MKS1: variants seen among roughly 807,000 people sequenced by gnomAD.
The protein encoded by MKS1 is tectonic-like complex member MKS1.
In MKS1, 70 loss-of-function variants were observed where a neutral mutation model predicts 83.7. The observed-to-expected ratio is 0.84, with a 90% confidence interval of 0.69 to 1.02. The LOEUF (loss-of-function observed/expected upper bound fraction) is 1.02. Ranked by LOEUF, MKS1 falls within the 50% of genes least tolerant of loss-of-function variation. MKS1 has a pLI of 0.00. For synonymous variants in MKS1, 251 were observed against 273.4 expected, an observed-to-expected ratio of 0.92 and a Z score of 0.81; for missense variants, 681 against 726.9, an observed-to-expected ratio of 0.94 and a Z score of 0.73.
rs199550514 is a variant in MKS1, at chr17:58,213,752, T to C, written c.749+13A>G. On this transcript the variant is annotated intron_variant, in intron 7 of 17. Transcript: ENST00000393119. ...AATGCCAGTCTCCACTACCCCTTTC[T>C]TCCTCTCCTCACCTGTAGGGTCCTT... The C allele has an allele frequency of 1.2e-4, 189 of 1,600,316 alleles. No individual in the cohort carries two copies. The African/African-American group carries it at 2.0e-3, about 17-fold the overall frequency.
At chr17:58,208,492 A>G in intron 12 of MKS1, 21 bp downstream of exon 12, 2 of 1,612,206 alleles carry the variant, frequency 1.2e-6, no homozygotes, top group Non-Finnish European at 1.7e-6. Flanking sequence ...CCTTCCAGAT[A>G]CCCGCTCTCA....
At chr17:58,208,425 C>A in intron 12 of MKS1, 88 bp downstream of exon 12, 2 of 1,461,396 alleles carry the variant, frequency 1.4e-6, no homozygotes, top group Non-Finnish European at 1.9e-6. Flanking sequence ...CTCCCCAGGG[C>A]GCACAGCACT....
chr17:58,210,625 G>A, intron 11 of MKS1, 34 bp downstream of exon 11: 4 of 1,580,268 alleles, frequency 2.5e-6, no homozygotes, highest in Non-Finnish European at 3.5e-6. Context: ...TGTCTGAATG[G>A]GTATAAAAGG....
rs1398997306 is a variant in MKS1, at chr17:58,205,658, T to C, written c.*421A>G. ...CTCACAGGCTGGGGATTTAAGACCCTCTCACCGTCCACCTTCCTTCCTTCT... is the reference window on the plus strand; with the variant it reads ...CTCACAGGCTGGGGATTTAAGACCCCCTCACCGTCCACCTTCCTTCCTTCT... On this transcript the variant is annotated 3_prime_UTR_variant, in exon 18 of 18. Coordinates refer to ENST00000393119, the MANE Select transcript of MKS1 (RefSeq NM_017777.4). 3.1e-6 allele frequency: 4 copies of C among 1,308,514 alleles called. No individual in the cohort carries two copies. In the Admixed American group the frequency reaches 9.2e-5, roughly 30 times the overall value. 81.1% of individuals were successfully genotyped at this position (1,308,514 alleles called of 1,614,324 possible). A position where few individuals can be genotyped will look rare whatever the true frequency, so the allele number is the denominator to read the frequency against.
Position 58,207,952 on chromosome 17 carries a change from G to T in MKS1, c.1215C>A (p.Asp405Glu), listed in dbSNP as rs1240101157. 2.5e-6 allele frequency: 4 copies of T among 1,614,044 alleles called. No individual in the cohort carries two copies. Among genetic ancestry groups the T allele is most frequent in the Non-Finnish European group, 2.5e-6 (3 of 1,180,038 alleles). ...PVLYCEVLSL[D>E]FWQRYRVEGY... ...CTTCCACACGGTACCTCTGCCAGAA[G>T]TCCAGCGAGAGGACCTCACAGTAGA... The change falls in exon 14 of 18, where the codon GAC becomes GAA. Residue 405 changes from aspartate (D) to glutamate (E), a missense_variant. Physicochemically the swap from Asp to Glu is conservative, Grantham distance 45 (BLOSUM62 2). This residue lies in a region of MKS1 where 310 missense variants were observed against 321.7 expected (regional missense o/e 0.96). Coordinates refer to ENST00000393119, the MANE Select transcript of MKS1 (RefSeq NM_017777.4).
intron 2 of MKS1, among the ~76,000 whole-genome samples, chr17:58,218,396 G>A (rs1323534603): frequency 7.0e-6 from 1 of 141,978 alleles, no homozygotes; most frequent in East Asian, 2.1e-4. Context: ...TGCAGTGAGC[G>A]GAGATAGCGA....
Position 58,219,170 on chromosome 17 carries a change from C to T in MKS1, c.61G>A (p.Val21Met). 6.4e-7 allele frequency: 1 copy of T among 1,551,238 alleles called. No homozygotes were observed. The part of the protein sequence containing the change: ...GEAVYRSRDP[V>M]RNLRLRVHLQ... ...GACTACCGGAGGCGCAAGTTGCGCACGGGGTCCCGGGAGCGATACACTGCC... is the reference window on the plus strand; with the variant it reads ...GACTACCGGAGGCGCAAGTTGCGCATGGGGTCCCGGGAGCGATACACTGCC... Residue 21 changes from valine (V) to methionine (M), a missense_variant, in exon 1 of 18, where the codon GTG (valine) becomes ATG (methionine). By Grantham distance (21) the Val-to-Met change is conservative (BLOSUM62 1). This residue lies in a region of MKS1 where 365 missense variants were observed against 383.8 expected (regional missense o/e 0.95). Coordinates refer to ENST00000393119, the MANE Select transcript of MKS1 (RefSeq NM_017777.4).
At chr17:58,208,228 C>T (rs1968650520) in intron 12 of MKS1, 54 bp from the exon 13 acceptor site, 1 of 1,470,842 alleles carries the variant, frequency 6.8e-7, no homozygotes, top group Non-Finnish European at 9.5e-7. Context: ...ATCTGTTCTC[C>T]TTGTGGCCAA....
intron 6 of MKS1, 66 bp from the exon 7 acceptor site, chr17:58,213,935 A>C: frequency 7.5e-7 from 1 of 1,325,536 alleles, no homozygotes. Context: ...AGAGATACTG[A>C]GCCCACTGCA....
In MKS1 at chr17:58,214,609, T is replaced by C. The variant is rs145518809; in HGVS notation, c.515+132A>G. Reference sequence around the variant, plus strand: ...GAGTGAGGAAGATATTTTATATTTTTATATTTATTTTTTAAATTAATTACA... The same window carrying C: ...GAGTGAGGAAGATATTTTATATTTTCATATTTATTTTTTAAATTAATTACA... On this transcript the variant is annotated intron_variant, in intron 5 of 17. Coordinates refer to ENST00000393119, the MANE Select transcript of MKS1 (RefSeq NM_017777.4). 681 of 1,071,764 alleles carry C rather than the reference T, an allele frequency of 6.4e-4. 24 individuals carry two copies. In the African/African-American group the frequency reaches 0.01, roughly 16 times the overall value. 66.4% of individuals were successfully genotyped at this position (1,071,764 alleles called of 1,614,324 possible).
At chr17:58,218,475 A>ACC in intron 2 of MKS1, 145 bp downstream of exon 2, 2 of 441,064 alleles carry the variant, frequency 4.5e-6, no homozygotes, top group South Asian at 2.2e-5. Flanking sequence ...AAAAAAAAAA[A>ACC]AAAAAGCCAC....
chr17:58,210,953 A>G (rs374962398), intron 10 of MKS1, 27 bp downstream of exon 10: 62 of 1,611,460 alleles, frequency 3.8e-5, no homozygotes, highest in Middle Eastern at 1.6e-4. Flanking sequence ...CTAAGCATCA[A>G]GAGATCTATG....
At chr17:58,213,653 G>T in intron 7 of MKS1, 112 bp downstream of exon 7, 1 of 834,238 alleles carries the variant, frequency 1.2e-6, no homozygotes. Flanking sequence ...GCCTGGGAAT[G>T]TAAAAGTTAG....
intron 2 of MKS1, among the ~76,000 whole-genome samples, chr17:58,218,262 C>A (rs555032855): frequency 6.6e-6 from 1 of 151,648 alleles, no homozygotes; most frequent in African/African-American, 2.4e-5. Context: ...TCCTGGCTAA[C>A]ACGGTGAAAC....
chr17:58,207,884 G>A lies in MKS1; in HGVS notation c.1273+10C>T, dbSNP rs1179289461. 3 of 1,610,394 alleles carry A rather than the reference G, an allele frequency of 1.9e-6. No individual in the cohort carries two copies. The highest frequency in any genetic ancestry group is 1.1e-5 in the South Asian group (1 of 90,948). On this transcript the variant is annotated intron_variant, in intron 14 of 17. Coordinates refer to ENST00000393119, the MANE Select transcript of MKS1 (RefSeq NM_017777.4). ...ATGTGGGCCACAGAAGGGCAGAGAC[G>A]AGCGGTTACCTGGAGTGGCAGGCAG...
Position 58,206,483 on chromosome 17 carries a change from T to C in MKS1, c.1472A>G (p.His491Arg). ...CACTCACCTGGACTGCTGCAGACAG[T>C]GCAAGCGGAAGGTGACAGTGCCTGT... ...ETTGTVTFRL[H>R]CLQQSRAFME... The change falls in exon 16 of 18, where the codon CAC becomes CGC. Residue 491 changes from histidine (H) to arginine (R), a missense_variant. Physicochemically the swap from His to Arg is conservative, Grantham distance 29 (BLOSUM62 0). Transcript: ENST00000393119. 1 of 1,614,062 alleles carries C rather than the reference T, an allele frequency of 6.2e-7. No individual in the cohort carries two copies. Among genetic ancestry groups the C allele is most frequent in the African/African-American group, 1.3e-5 (1 of 75,026 alleles).
At chr17:58,213,942 T>G in intron 6 of MKS1, 73 bp from the exon 7 acceptor site, 1 of 1,278,264 alleles carries the variant, frequency 7.8e-7, no homozygotes, top group Non-Finnish European at 1.1e-6. Flanking sequence ...CTGAGCCCAC[T>G]GCAGGGGAGA....
rs1968724333 is a variant in MKS1, at chr17:58,209,180, T to A, written c.1025-597A>T. 6.6e-6 allele frequency among the ~76,000 whole-genome samples: 1 copy of A among 152,200 alleles called. No individual in the cohort carries two copies. Among genetic ancestry groups the A allele is most frequent in the Non-Finnish European group, 1.5e-5 (1 of 68,042 alleles). On this transcript the variant is annotated intron_variant, in intron 11 of 17. Transcript: ENST00000393119. The surrounding 1 kb of genome is among the most constrained non-coding windows in gnomAD (Gnocchi z 4.1). ...GCCCATTCTCAATGGTCGCTGTCTC[T>A]TCGGAGCTGTTGGGTACACCTCCCA...
intron 2 of MKS1, 107 bp downstream of exon 2, chr17:58,218,513 C>A: frequency 1.9e-6 from 1 of 522,204 alleles, no homozygotes; most frequent in Non-Finnish European, 3.6e-6. Context: ...CCGGGCAACT[C>A]TATAACATAT....
Sources: allele counts gnomAD v4.1 joint callset (sites outside exome capture counted in the v4.1 genomes callset), GRCh38; gene constraint gnomAD v4.1.1; regional missense constraint gnomAD v4.1.1; non-coding constraint Gnocchi (gnomAD v3.1); transcripts MANE v1.5; gene names NCBI Gene and HGNC (gene_info 2026-07-23, HGNC 2026-07-21).